Variants in PPP1R1C observed in about 807,000 individuals in gnomAD.
The protein encoded by PPP1R1C is protein phosphatase 1 regulatory inhibitor subunit 1C, also known as protein phosphatase 1 regulatory subunit 1C.
PPP1R1C carries 15 observed loss-of-function variants against 17.4 expected under a neutral mutation model. The observed-to-expected ratio is 0.86, with a 90% CI of 0.58 to 1.33. The LOEUF (loss-of-function observed/expected upper bound fraction) is 1.33, where lower values mean the gene tolerates loss of function less well. PPP1R1C is among the 40% of genes most tolerant of loss of function. The pLI, the probability that PPP1R1C is intolerant of heterozygous loss-of-function variation, is 0.00. For synonymous variants in PPP1R1C, 35 were observed against 43.1 expected (o/e 0.81, Z 0.73); for missense variants, 143 against 130.0 (o/e 1.10, Z -0.48).
chr2:182,068,592 C>T (rs1335674980), intron 4 of PPP1R1C, among the ~76,000 whole-genome samples: 1 of 152,192 alleles, frequency 6.6e-6, no homozygotes, highest in East Asian at 1.9e-4. Flanking sequence ...ATTTTGCTTT[C>T]TTTTAAACAA....
chr2:181,970,663 A>T (rs1458020841), intron 1 of PPP1R1C, among the ~76,000 whole-genome samples: 2 of 152,100 alleles, frequency 1.3e-5, no homozygotes, highest in Admixed American at 6.5e-5. Context: ...TTCAGGTGGC[A>T]ATTTCTCCCT....
upstream of PPP1R1C, among the ~76,000 whole-genome samples, chr2:181,982,959 C>G (rs1169707385): frequency 2.0e-5 from 3 of 152,032 alleles, no homozygotes; most frequent in Admixed American, 6.6e-5. Context: ...GAGAGGATTC[C>G]TTTTTCAGTC....
chr2:182,012,193 A>T (rs1488068141), intron 2 of PPP1R1C, among the ~76,000 whole-genome samples: 2 of 152,028 alleles, frequency 1.3e-5, no homozygotes, highest in Non-Finnish European at 2.9e-5. Flanking sequence ...GATCTGTCCA[A>T]TGCTGAAAGT....
chr2:182,120,083 A>G (rs1356790041), downstream of PPP1R1C, among the ~76,000 whole-genome samples: 1 of 152,150 alleles, frequency 6.6e-6, no homozygotes, highest in Non-Finnish European at 1.5e-5. Context: ...TAATTTTTGT[A>G]TAAGGTGTAA....
At chr2:182,088,074 GT>G (rs964695191) in intron 4 of PPP1R1C, among the ~76,000 whole-genome samples, 66 of 147,052 alleles carry the variant, frequency 4.5e-4, no homozygotes, top group East Asian at 1.2e-3. Context: ...GCTTTCAGTA[GT>G]TTTTTTTTTT....
rs530680402 is a variant in PPP1R1C, at chr2:182,111,573, A to C, written c.242-5634A>C. On this transcript the variant is annotated intron_variant, in intron 4 of 4. Coordinates refer to ENST00000682840, the MANE Select transcript of PPP1R1C (RefSeq NM_001080545.3). Reference sequence around the variant, plus strand: ...TCAGGATGTTAATGTATAGTTCTTTATTATAAATGAATGACAAGAGGATTG... The same window carrying C: ...TCAGGATGTTAATGTATAGTTCTTTCTTATAAATGAATGACAAGAGGATTG... Among the ~76,000 whole-genome samples the C allele has an allele frequency of 3.9e-5, 6 of 152,276 alleles. No homozygotes were observed. The East Asian group carries it at 1.2e-3, about 29-fold the overall frequency.
chr2:182,087,400 A>G lies in PPP1R1C; in HGVS notation c.241+23609A>G, dbSNP rs568541166. Among the ~76,000 whole-genome samples the G allele has an allele frequency of 1.7e-4, 26 of 152,324 alleles. No homozygotes were observed. In the South Asian group the frequency reaches 1.9e-3, roughly 11 times the overall value. On this transcript the variant is annotated intron_variant, in intron 4 of 4. Coordinates refer to ENST00000682840, the MANE Select transcript of PPP1R1C (RefSeq NM_001080545.3). The stretch of plus-strand genomic sequence containing the variant: ...ACCCACTTGCCTTTAGGGTCTTTGC[A>G]CAACTGCTGAATTCTGTTCCTCTAC...
intron 4 of PPP1R1C, among the ~76,000 whole-genome samples, chr2:182,112,714 C>T (rs1479494936): frequency 5.3e-5 from 8 of 151,962 alleles, no homozygotes; most frequent in Non-Finnish European, 1.5e-5. Flanking sequence ...ATCAGAGACC[C>T]CACTGAGATT....
intron 4 of PPP1R1C, among the ~76,000 whole-genome samples, chr2:182,088,746 G>A (rs1688700981): frequency 6.6e-6 from 1 of 152,112 alleles, no homozygotes; most frequent in South Asian, 2.1e-4. Context: ...TTAGTAATGT[G>A]TTCTTCCCTT....
intron 2 of PPP1R1C, among the ~76,000 whole-genome samples, chr2:182,017,528 A>G (rs1686295432): frequency 6.6e-6 from 1 of 152,130 alleles, no homozygotes; most frequent in Non-Finnish European, 1.5e-5. Context: ...GGCTAGCAGT[A>G]CAATTGCACA....
chr2:182,081,913 C>T lies in PPP1R1C; in HGVS notation c.241+18122C>T, dbSNP rs138528836. Among the ~76,000 whole-genome samples the T allele has an allele frequency of 2.3e-3, 350 of 152,230 alleles. 4 individuals are homozygous for T. The highest frequency in any genetic ancestry group is 7.8e-3 in the African/African-American group (326 of 41,548). ...AAGTCATAAATATCAGGGAGAAAAG[C>T]TTCATGTGCAGAAACTTTGTAGTTA... On this transcript the variant is annotated intron_variant, in intron 4 of 4. Transcript: ENST00000682840.
chr2:181,977,527 C>A (rs1685115526), intron 2 of PPP1R1C, among the ~76,000 whole-genome samples: 1 of 152,064 alleles, frequency 6.6e-6, no homozygotes, highest in African/African-American at 2.4e-5. Flanking sequence ...GCTTATTTGA[C>A]AAGGACTCAT....
chr2:181,995,468 C>T (rs1294505675), intron 2 of PPP1R1C, among the ~76,000 whole-genome samples: 1 of 152,190 alleles, frequency 6.6e-6, no homozygotes, highest in Non-Finnish European at 1.5e-5. Flanking sequence ...TTTTCCCACA[C>T]CACTAAATAT....
chr2:182,123,517 G>T (rs754011288), intron 5 of PPP1R1C, among the ~76,000 whole-genome samples: 6 of 152,126 alleles, frequency 3.9e-5, no homozygotes, highest in Non-Finnish European at 8.8e-5. Context: ...AGCATCTATT[G>T]TTTCCTGACT....
intron 1 of PPP1R1C, among the ~76,000 whole-genome samples, chr2:181,959,650 GA>G (rs1331762567): frequency 6.6e-6 from 1 of 151,762 alleles, no homozygotes; most frequent in Non-Finnish European, 1.5e-5. Context: ...AGTGTCAGCT[GA>G]AAAAAAAGCC....
chr2:182,039,927 T>G (rs1687130867), intron 2 of PPP1R1C, among the ~76,000 whole-genome samples: 1 of 152,208 alleles, frequency 6.6e-6, no homozygotes, highest in South Asian at 2.1e-4. Flanking sequence ...ATTCCTGAAT[T>G]ACTTCATTCA....
chr2:182,055,543 A>G (rs1258851435), intron 2 of PPP1R1C, among the ~76,000 whole-genome samples: 1 of 152,138 alleles, frequency 6.6e-6, no homozygotes, highest in Non-Finnish European at 1.5e-5. Flanking sequence ...TAGTGAGGGT[A>G]TATCTGCTAC....
intron 2 of PPP1R1C, among the ~76,000 whole-genome samples, chr2:182,053,318 G>T (rs926469394): frequency 6.6e-6 from 1 of 152,098 alleles, no homozygotes; most frequent in Non-Finnish European, 1.5e-5. Context: ...GCGAATAGTT[G>T]ATCTTTTATT....
chr2:182,038,864 C>T (rs974847019), intron 2 of PPP1R1C, among the ~76,000 whole-genome samples: 3 of 152,160 alleles, frequency 2.0e-5, no homozygotes, highest in African/African-American at 7.2e-5. Flanking sequence ...TGGGCAGAAG[C>T]TCCAGGCAGG....
Sources: gnomAD v4.1 joint callset for allele counts (sites outside exome capture counted in the v4.1 genomes callset) on GRCh38, gnomAD v4.1.1 for gene constraint, MANE v1.5 for transcripts, NCBI Gene and HGNC (gene_info 2026-07-23, HGNC 2026-07-21) for gene names.